ARNT2: variants seen among roughly 807,000 people sequenced by gnomAD.
The protein encoded by ARNT2 is aryl hydrocarbon receptor nuclear translocator 2.
A neutral mutation model predicts 91.7 loss-of-function variants in ARNT2; 36 were observed. The ratio of observed to expected loss-of-function variants is 0.39; its 90% CI spans 0.30 to 0.52. ARNT2 has a LOEUF of 0.52. ARNT2 is among the 20% of genes least tolerant of loss of function. The pLI is 0.72. For missense variants in ARNT2, 775 were observed against 939.3 expected (o/e 0.83, Z 2.29); for synonymous variants, 365 against 347.1 (o/e 1.05, Z -0.57).
chr15:80,580,732 C>T (rs563086193), intron 16 of ARNT2, among the ~76,000 whole-genome samples, 183 bp downstream of exon 16: 30 of 152,284 alleles, frequency 2.0e-4, no homozygotes, highest in Middle Eastern at 3.4e-3. Flanking sequence ...GCCAGGTGCC[C>T]AGCCTGCAAC....
At chr15:80,533,327 G>T (rs182109264) in intron 8 of ARNT2, among the ~76,000 whole-genome samples, 1 of 152,332 alleles carries the variant, frequency 6.6e-6, no homozygotes, top group South Asian at 2.1e-4. Flanking sequence ...CACTGATGGC[G>T]GTGAGAGGTG....
At chr15:80,474,931 A>C in intron 4 of ARNT2, 79 bp from the exon 5 acceptor site, 1 of 1,395,624 alleles carries the variant, frequency 7.2e-7, no homozygotes, top group Non-Finnish European at 1.0e-6. Context: ...AGGAAATTGA[A>C]GGCTGCTTTC....
chr15:80,571,575 T>C (rs1898584287), intron 12 of ARNT2, among the ~76,000 whole-genome samples: 1 of 152,182 alleles, frequency 6.6e-6, no homozygotes, highest in African/African-American at 2.4e-5. Context: ...CTGGTTAAGT[T>C]TGGCCAGTGG....
intron 8 of ARNT2, among the ~76,000 whole-genome samples, chr15:80,531,576 C>T (rs963777638): frequency 3.3e-5 from 5 of 152,244 alleles, no homozygotes; most frequent in Non-Finnish European, 5.9e-5. Flanking sequence ...GGCATCCAGC[C>T]TTGGCCATGT....
At chr15:80,409,948 G>A (rs535872962) in intron 1 of ARNT2, among the ~76,000 whole-genome samples, 77 of 152,258 alleles carry the variant, frequency 5.1e-4, no homozygotes, top group African/African-American at 1.8e-3. Flanking sequence ...CTGGAGCTGC[G>A]GTAGAGGCCA....
rs1040764733 is a variant in ARNT2, at chr15:80,552,437, T to C, written c.955-203T>C. Among the ~76,000 whole-genome samples, 8 of 152,306 alleles carry C rather than the reference T, an allele frequency of 5.3e-5. No homozygotes were observed. In the South Asian group the frequency reaches 1.7e-3, roughly 32 times the overall value. ...CATTGGTTGATAAGGCAACTGAAGTTCAGAAATGTAAAGAAAGTGGCCAAC... is the reference window on the plus strand; with the variant it reads ...CATTGGTTGATAAGGCAACTGAAGTCCAGAAATGTAAAGAAAGTGGCCAAC... On this transcript the variant is annotated intron_variant, in intron 9 of 18. Coordinates refer to ENST00000303329, the MANE Select transcript of ARNT2 (RefSeq NM_014862.4).
At chr15:80,447,756 A>G (rs939731852) in intron 1 of ARNT2, among the ~76,000 whole-genome samples, 2 of 152,206 alleles carry the variant, frequency 1.3e-5, no homozygotes, top group African/African-American at 4.8e-5. Context: ...TTTTGTTTGA[A>G]TTTATTAAGG....
At chr15:80,407,399 C>T (rs1303072797) in intron 1 of ARNT2, among the ~76,000 whole-genome samples, 1 of 152,148 alleles carries the variant, frequency 6.6e-6, no homozygotes, top group East Asian at 1.9e-4. Flanking sequence ...AATACAGGTC[C>T]AAATTTGGAA....
chr15:80,521,577 A>G (rs1420907331), intron 8 of ARNT2, among the ~76,000 whole-genome samples: 1 of 152,206 alleles, frequency 6.6e-6, no homozygotes, highest in East Asian at 1.9e-4. Flanking sequence ...CAAGCTGCAA[A>G]ATGTAAATTT....
At position 80,503,577 on chromosome 15, in the gene ARNT2, C is replaced by G. The variant is rs562475666; in HGVS notation, c.623-4579C>G. Among the ~76,000 whole-genome samples the G allele has an allele frequency of 4.7e-4, 71 of 152,338 alleles. 3 individuals carry two copies. In the South Asian group the frequency reaches 0.012, roughly 26 times the overall value. On this transcript the variant is annotated intron_variant, in intron 5 of 18. Coordinates refer to ENST00000303329, the MANE Select transcript of ARNT2 (RefSeq NM_014862.4). ...AGCACACTTTGGAATCTGCCAGACCCTCATGCTGGCCTGCTTCACAGCTGA... is the reference window on the plus strand; with the variant it reads ...AGCACACTTTGGAATCTGCCAGACCGTCATGCTGGCCTGCTTCACAGCTGA...
chr15:80,537,849 A>G (rs1304593984), intron 8 of ARNT2, among the ~76,000 whole-genome samples: 1 of 152,232 alleles, frequency 6.6e-6, no homozygotes, highest in Non-Finnish European at 1.5e-5. Flanking sequence ...CAGTGCTTCA[A>G]AATGTGACCA....
chr15:80,475,362 G>A, intron 5 of ARNT2, 139 bp downstream of exon 5: 1 of 844,928 alleles, frequency 1.2e-6, no homozygotes, highest in South Asian at 1.7e-5. Flanking sequence ...AGACCATCCT[G>A]GCTAACATGG....
In ARNT2 at chr15:80,470,277, A is replaced by G; in HGVS notation, c.254A>G (p.Glu85Gly). The G allele has an allele frequency of 6.2e-7, 1 of 1,614,184 alleles. No individual in the cohort carries two copies. Among genetic ancestry groups the G allele is most frequent in the Non-Finnish European group, 8.5e-7 (1 of 1,180,034 alleles). Residue 85 changes from glutamate to glycine, a missense_variant, in exon 4 of 19, where the codon GAG (glutamate) becomes GGG (glycine). This residue lies in a region of ARNT2 where 83 missense variants were observed against 149.4 expected (regional missense o/e 0.56). Coordinates refer to ENST00000303329, the MANE Select transcript of ARNT2 (RefSeq NM_014862.4). Reference protein sequence around the residue: ...RRNKMTQYITELSDMVPTCSA... With the variant: ...RRNKMTQYITGLSDMVPTCSA... ...AACAAGATGACTCAGTACATCACGG[A>G]GCTCTCCGACATGGTCCCCACATGC... is the stretch of plus-strand genomic sequence containing the variant.
chr15:80,419,390 G>A (rs1895830905), intron 1 of ARNT2, among the ~76,000 whole-genome samples: 1 of 152,232 alleles, frequency 6.6e-6, no homozygotes, highest in African/African-American at 2.4e-5. Flanking sequence ...CCATTTCACA[G>A]GTGAGGAAAT....
chr15:80,491,637 A>T (rs577651428), intron 5 of ARNT2, among the ~76,000 whole-genome samples: 1 of 152,142 alleles, frequency 6.6e-6, no homozygotes, highest in Non-Finnish European at 1.5e-5. Flanking sequence ...AACATGATCC[A>T]ATTTGCATTT....
chr15:80,554,047 A>G (rs1898132033), intron 10 of ARNT2, among the ~76,000 whole-genome samples: 1 of 152,220 alleles, frequency 6.6e-6, no homozygotes, highest in Non-Finnish European at 1.5e-5. Context: ...TGCCAGTGTC[A>G]GCATTCACTT....
intron 13 of ARNT2, 123 bp from the exon 14 acceptor site, chr15:80,574,864 C>T (rs867654279): frequency 1.6e-5 from 20 of 1,257,394 alleles, no homozygotes; most frequent in Middle Eastern, 5.7e-4. Context: ...AATGTTCCAG[C>T]CCAAAATGCC....
At chr15:80,438,586 A>G (rs1896130666) in intron 1 of ARNT2, among the ~76,000 whole-genome samples, 1 of 152,224 alleles carries the variant, frequency 6.6e-6, no homozygotes, top group Admixed American at 6.5e-5. Context: ...ATATACACTA[A>G]TAATCTCTTT....
At chr15:80,520,054 G>A (rs1897514328) in intron 8 of ARNT2, among the ~76,000 whole-genome samples, 1 of 150,600 alleles carries the variant, frequency 6.6e-6, no homozygotes, top group African/African-American at 2.4e-5. Context: ...CCAAATGGAA[G>A]GCAGGTTTGC....
Sources: gnomAD v4.1 joint callset for allele counts (sites outside exome capture counted in the v4.1 genomes callset) on GRCh38, gnomAD v4.1.1 for gene constraint, gnomAD v4.1.1 regional missense constraint, MANE v1.5 for transcripts, NCBI Gene and HGNC (gene_info 2026-07-23, HGNC 2026-07-21) for gene names.